Variants in FMN1 observed in about 807,000 individuals in gnomAD.
FMN1 encodes formin 1.
FMN1 carries 110 observed loss-of-function variants against 132.4 expected under a neutral mutation model. That is an observed-to-expected ratio of 0.83 (90% CI 0.71 to 0.97). The LOEUF (loss-of-function observed/expected upper bound fraction) is 0.97, where lower values mean the gene tolerates loss of function less well. Ranked by LOEUF, FMN1 falls within the 50% of genes least tolerant of loss-of-function variation. The pLI, the probability that FMN1 is intolerant of heterozygous loss-of-function variation, is 0.00. For synonymous variants in FMN1, 722 were observed against 651.7 expected (o/e 1.11, Z -1.64); for missense variants, 1,792 against 1,705.3 (o/e 1.05, Z -0.90).
At chr15:33,169,740 CT>C (rs57083437) in intron 3 of FMN1, among the ~76,000 whole-genome samples, 15,649 of 117,766 alleles carry the variant, frequency 0.13, 732 homozygotes, top group African/African-American at 0.27. Context: ...TTTTCTTTTC[CT>C]TTTTTTTTTT....
chr15:33,046,787 A>C (rs1019718185), intron 6 of FMN1, among the ~76,000 whole-genome samples: 7 of 152,162 alleles, frequency 4.6e-5, no homozygotes, highest in African/African-American at 7.2e-5. Context: ...GAATGGTAAA[A>C]ATCACTGTTT....
At chr15:32,790,205 G>A (rs2057027304) in intron 19 of FMN1, among the ~76,000 whole-genome samples, 1 of 152,172 alleles carries the variant, frequency 6.6e-6, no homozygotes, top group African/African-American at 2.4e-5. Context: ...CCAAACGCAT[G>A]TTCAGTCACC....
intron 6 of FMN1, among the ~76,000 whole-genome samples, chr15:33,047,336 T>C (rs939284889): frequency 1.3e-5 from 2 of 152,252 alleles, no homozygotes; most frequent in African/African-American, 2.4e-5. Flanking sequence ...TTCAGGCTTC[T>C]TGTTTTCACC....
chr15:33,002,413 T>C (rs1017358678), intron 7 of FMN1, among the ~76,000 whole-genome samples: 6 of 152,160 alleles, frequency 3.9e-5, no homozygotes, highest in Non-Finnish European at 5.9e-5. Context: ...ACAAAACAGG[T>C]AGGGGTGATA....
At chr15:33,071,054 C>A (rs1352629049) in intron 5 of FMN1, among the ~76,000 whole-genome samples, 4 of 152,142 alleles carry the variant, frequency 2.6e-5, no homozygotes. Context: ...CCACACACAG[C>A]GAGGTGCAAA....
At chr15:32,796,674 G>A (rs2057300785) in intron 19 of FMN1, among the ~76,000 whole-genome samples, 1 of 152,146 alleles carries the variant, frequency 6.6e-6, no homozygotes, top group African/African-American at 2.4e-5. Context: ...ATTCTAACAG[G>A]AAAGAAGCTA....
At chr15:33,032,953 C>T (rs533844578) in intron 6 of FMN1, among the ~76,000 whole-genome samples, 5 of 152,150 alleles carry the variant, frequency 3.3e-5, no homozygotes, top group Non-Finnish European at 5.9e-5. Flanking sequence ...ATTTGTTCAA[C>T]GCTTAGAGAA....
chr15:33,009,093 T>C (rs1013039286), intron 6 of FMN1, among the ~76,000 whole-genome samples: 7 of 152,234 alleles, frequency 4.6e-5, no homozygotes, highest in African/African-American at 9.6e-5. Context: ...TACGGCTAGA[T>C]AGACCTCTAC....
At chr15:33,189,499 C>A (rs1966000058) in intron 2 of FMN1, among the ~76,000 whole-genome samples, 1 of 152,182 alleles carries the variant, frequency 6.6e-6, no homozygotes, top group Admixed American at 6.5e-5. Context: ...TCACTATATT[C>A]ATACCCAGCA....
chr15:33,025,443 C>T (rs2035621314), intron 6 of FMN1, among the ~76,000 whole-genome samples: 1 of 151,984 alleles, frequency 6.6e-6, no homozygotes, highest in African/African-American at 2.4e-5. Context: ...ACAAAGAAAA[C>T]CTTTCAAAAA....
rs560368608 is a variant in FMN1, at chr15:32,859,279, CT to C, written c.3836-2173del. Among the ~76,000 whole-genome samples the C allele has an allele frequency of 2.0e-5, 3 of 152,276 alleles. No homozygotes were observed. The East Asian group carries it at 5.8e-4, about 29-fold the overall frequency. ...AAGAAGATAAAACTATTAATGGGTT[CT>C]CATCACAAATTCAACTAAATTCAAA... On this transcript the variant is annotated intron_variant, in intron 16 of 20. Transcript: ENST00000616417.
At chr15:32,940,850 G>A (rs895302478) in intron 9 of FMN1, among the ~76,000 whole-genome samples, 3 of 152,116 alleles carry the variant, frequency 2.0e-5, no homozygotes, top group Non-Finnish European at 4.4e-5. Context: ...GTTCTTCCGG[G>A]CATTAAGACC....
intron 4 of FMN1, among the ~76,000 whole-genome samples, chr15:33,101,897 G>A (rs903699051): frequency 6.6e-6 from 1 of 152,076 alleles, no homozygotes; most frequent in Non-Finnish European, 1.5e-5. Context: ...GCTTCCAGCT[G>A]TACTGGGCTG....
intron 7 of FMN1, among the ~76,000 whole-genome samples, chr15:32,981,751 T>C (rs1392913405): frequency 6.6e-6 from 1 of 152,006 alleles, no homozygotes; most frequent in African/African-American, 2.4e-5. Flanking sequence ...GCATGATTCA[T>C]TTAGGATATG....
intron 7 of FMN1, among the ~76,000 whole-genome samples, chr15:32,976,177 A>G (rs568018708): frequency 6.6e-6 from 1 of 152,028 alleles, no homozygotes; most frequent in Non-Finnish European, 1.5e-5. Flanking sequence ...TTTTCCAGGG[A>G]CTCTTCCAAA....
chr15:33,052,259 G>T (rs34943452), intron 6 of FMN1, among the ~76,000 whole-genome samples: 11,035 of 152,108 alleles, frequency 0.073, 530 homozygotes, highest in Middle Eastern at 0.13. Flanking sequence ...GAAAATACTT[G>T]ATTTAAAATA....
At chr15:33,090,107 T>C (rs930395792) in intron 4 of FMN1, among the ~76,000 whole-genome samples, 11 of 152,230 alleles carry the variant, frequency 7.2e-5, no homozygotes, top group African/African-American at 2.7e-4. Flanking sequence ...CCTCTTTTAA[T>C]TCCTGGTAAG....
chr15:32,967,282 G>A (rs901088755), intron 8 of FMN1, among the ~76,000 whole-genome samples: 6 of 152,194 alleles, frequency 3.9e-5, no homozygotes, highest in Non-Finnish European at 7.3e-5. Flanking sequence ...GGCTGCTGTG[G>A]TCCACAGTTA....
At chr15:33,112,535 T>A (rs1467612241) in intron 4 of FMN1, among the ~76,000 whole-genome samples, 1 of 152,170 alleles carries the variant, frequency 6.6e-6, no homozygotes, top group South Asian at 2.1e-4. Context: ...ATTCGGTACC[T>A]GCAGCAAAGA....
Sources: gnomAD v4.1 joint callset for allele counts (sites outside exome capture counted in the v4.1 genomes callset) on GRCh38, gnomAD v4.1.1 for gene constraint, MANE v1.5 for transcripts, NCBI Gene and HGNC (gene_info 2026-07-23, HGNC 2026-07-21) for gene names.